Variants in SLC24A3 observed in about 807,000 individuals in gnomAD.
The protein encoded by SLC24A3 is sodium/potassium/calcium exchanger 3.
A neutral mutation model predicts 75.8 loss-of-function variants in SLC24A3; 28 were observed. That is an observed-to-expected ratio of 0.37 (90% CI 0.27 to 0.51). SLC24A3 has a LOEUF of 0.51. Ranked by LOEUF, SLC24A3 falls within the 20% of genes least tolerant of loss-of-function variation. The pLI is 0.94. For missense variants in SLC24A3, 663 were observed against 847.8 expected, an observed-to-expected ratio of 0.78 and a Z score of 2.71; for synonymous variants, 372 against 334.1, an observed-to-expected ratio of 1.11 and a Z score of -1.24.
At chr20:19,651,371 TTATA>T (rs201410584) in intron 6 of SLC24A3, among the ~76,000 whole-genome samples, 11,406 of 105,828 alleles carry the variant, frequency 0.11, 1,182 homozygotes, top group African/African-American at 0.25. Context: ...CTGGTTTTTA[TTATA>T]TATATATATA....
intron 3 of SLC24A3, among the ~76,000 whole-genome samples, chr20:19,560,167 G>T (rs1305607316): frequency 1.3e-5 from 2 of 152,026 alleles, no homozygotes; most frequent in Non-Finnish European, 2.9e-5. Context: ...GAAATGAGAC[G>T]GAAAAAGAGG....
intron 2 of SLC24A3, among the ~76,000 whole-genome samples, chr20:19,357,756 G>A (rs1303646621): frequency 6.6e-6 from 1 of 152,222 alleles, no homozygotes; most frequent in African/African-American, 2.4e-5. Context: ...GCCAGCCCTT[G>A]CCTCTTGGGT....
intron 2 of SLC24A3, among the ~76,000 whole-genome samples, chr20:19,397,666 T>C (rs1986480276): frequency 8.3e-6 from 1 of 120,630 alleles, no homozygotes; most frequent in Non-Finnish European, 1.7e-5. Context: ...TTTTTTTTTT[T>C]TGAGTGGTAA....
intron 1 of SLC24A3, among the ~76,000 whole-genome samples, chr20:19,229,807 GT>G (rs199516878): frequency 6.6e-6 from 1 of 151,934 alleles, no homozygotes; most frequent in Non-Finnish European, 1.5e-5. Context: ...AAGAGCCTAT[GT>G]TTTTTTCCCC....
intron 2 of SLC24A3, among the ~76,000 whole-genome samples, chr20:19,424,901 C>G (rs925674555): frequency 1.3e-5 from 2 of 152,052 alleles, no homozygotes; most frequent in East Asian, 3.8e-4. Flanking sequence ...GTTAAATTTT[C>G]TGAATTATCC....
intron 1 of SLC24A3, chr20:19,213,228 C>T (rs1981457168): frequency 7.4e-6 from 2 of 271,736 alleles, no homozygotes; most frequent in African/African-American, 2.2e-5. Flanking sequence ...GGAACATTTA[C>T]CTGTGCCCGC....
rs551694324 is a variant in SLC24A3, at chr20:19,639,616, C to T, written c.613-14446C>T. Among the ~76,000 whole-genome samples the T allele has an allele frequency of 5.2e-3, 794 of 152,366 alleles. 2 individuals carry two copies. Among genetic ancestry groups the T allele is most frequent in the Middle Eastern group, 0.031 (9 of 294 alleles). On this transcript the variant is annotated intron_variant, in intron 6 of 16. Transcript: ENST00000328041. ...CAGGTGGAGGTGCCTGCCAGTCCGGCGCGCTGTGCAGCCGCACTCCTCAGC... is the reference window on the plus strand; with the variant it reads ...CAGGTGGAGGTGCCTGCCAGTCCGGTGCGCTGTGCAGCCGCACTCCTCAGC...
intron 6 of SLC24A3, among the ~76,000 whole-genome samples, chr20:19,641,716 T>A (rs1007646859): frequency 2.0e-5 from 3 of 152,216 alleles, no homozygotes; most frequent in African/African-American, 4.8e-5. Context: ...CCCCAGTGGC[T>A]GGGCCACAGC....
chr20:19,707,631 C>A (rs866591598), intron 15 of SLC24A3, among the ~76,000 whole-genome samples: 2 of 152,090 alleles, frequency 1.3e-5, no homozygotes, highest in Non-Finnish European at 2.9e-5. Flanking sequence ...AAAAGAGATT[C>A]TTTTTAAGGA....
At chr20:19,575,647 C>A (rs969485582) in intron 3 of SLC24A3, among the ~76,000 whole-genome samples, 1 of 152,196 alleles carries the variant, frequency 6.6e-6, no homozygotes, top group East Asian at 1.9e-4. Context: ...TCACTTGTAC[C>A]GGCTGCTGTA....
Position 19,684,288 on chromosome 20 carries a change from TC to T in SLC24A3, c.1020del (p.Lys341ArgfsTer11). ...TTCGAATCATGATAACCAGCCACTT[TC>T]CCCCCAAGACCCGGCTCTCCATGGC... ...GLRIMITSHF[P>X]PKTRLSMASR... On this transcript the variant is annotated frameshift_variant, in exon 11 of 17. Transcript: ENST00000328041. LOFTEE classifies it high-confidence loss of function. The T allele has an allele frequency of 1.2e-6, 2 of 1,613,814 alleles. No individual in the cohort carries two copies. The highest frequency in any genetic ancestry group is 1.7e-6 in the Non-Finnish European group (2 of 1,179,954).
chr20:19,223,919 G>A (rs1379335923), intron 1 of SLC24A3, among the ~76,000 whole-genome samples: 1 of 152,226 alleles, frequency 6.6e-6, no homozygotes, highest in East Asian at 1.9e-4. Context: ...GATGATTTAT[G>A]TCCCAGGCGG....
At chr20:19,441,432 C>T (rs1468778550) in intron 2 of SLC24A3, among the ~76,000 whole-genome samples, 3 of 152,198 alleles carry the variant, frequency 2.0e-5, no homozygotes, top group African/African-American at 2.4e-5. Flanking sequence ...ACAGTCCCCA[C>T]TCTGCTAATC....
chr20:19,670,573 A>G (rs372605902), intron 8 of SLC24A3, among the ~76,000 whole-genome samples: 6 of 152,230 alleles, frequency 3.9e-5, no homozygotes, highest in African/African-American at 1.4e-4. Flanking sequence ...TGACTACAAT[A>G]TTTCATTAAA....
At chr20:19,548,078 C>G (rs2030630379) in intron 3 of SLC24A3, among the ~76,000 whole-genome samples, 1 of 152,202 alleles carries the variant, frequency 6.6e-6, no homozygotes, top group Non-Finnish European at 1.5e-5. Context: ...CAGAATAGTT[C>G]AGTCCCAGTA....
At chr20:19,341,524 G>A (rs1373303032) in intron 2 of SLC24A3, among the ~76,000 whole-genome samples, 2 of 152,152 alleles carry the variant, frequency 1.3e-5, no homozygotes, top group Admixed American at 6.5e-5. Context: ...CACCTTACCA[G>A]AAACAAGGTC....
At chr20:19,400,104 G>T (rs1395285742) in intron 2 of SLC24A3, among the ~76,000 whole-genome samples, 1 of 152,034 alleles carries the variant, frequency 6.6e-6, no homozygotes, top group East Asian at 1.9e-4. Flanking sequence ...TATCATCTGT[G>T]TCCATTCTTG....
intron 6 of SLC24A3, among the ~76,000 whole-genome samples, chr20:19,648,776 CTG>C (rs1568684618): frequency 6.6e-6 from 1 of 152,092 alleles, no homozygotes; most frequent in Admixed American, 6.5e-5. Flanking sequence ...TTATGCCACT[CTG>C]AAACTAAATG....
intron 2 of SLC24A3, among the ~76,000 whole-genome samples, chr20:19,382,918 C>T (rs567145297): frequency 1.3e-5 from 2 of 152,252 alleles, no homozygotes; most frequent in African/African-American, 2.4e-5. Context: ...TGTGAGCATT[C>T]AACTCTGTAC....
Sources: gnomAD v4.1 joint callset for allele counts (sites outside exome capture counted in the v4.1 genomes callset) on GRCh38, gnomAD v4.1.1 for gene constraint, MANE v1.5 for transcripts, NCBI Gene and HGNC (gene_info 2026-07-23, HGNC 2026-07-21) for gene names.